Variants in RALYL observed in about 807,000 individuals in gnomAD.
RALYL encodes RALY RNA binding protein like.
Under a neutral mutation model 35.1 loss-of-function variants are expected in RALYL, and 29 were observed. The observed-to-expected ratio is 0.83, with a 90% CI of 0.61 to 1.13. The LOEUF is 1.13. Among genes scored for constraint, RALYL ranks in the 50% most tolerant of loss-of-function variants. The probability of loss-of-function intolerance (pLI) is 0.00; values close to 1 mark genes in which losing one functional copy is unlikely to be tolerated. For synonymous variants in RALYL, 120 were observed against 127.6 expected, an observed-to-expected ratio of 0.94 and a Z score of 0.40; for missense variants, 359 against 360.4, an observed-to-expected ratio of 1.00 and a Z score of 0.03.
chr8:84,604,325 G>T, intron 2 of RALYL, among the ~76,000 whole-genome samples: 1 of 152,080 alleles, frequency 6.6e-6, no homozygotes, highest in South Asian at 2.1e-4. Context: ...GATTTTGGCT[G>T]CCTTTTGTTT....
At chr8:84,371,561 A>ACC (rs1855709487) in intron 1 of RALYL, among the ~76,000 whole-genome samples, 1 of 151,520 alleles carries the variant, frequency 6.6e-6, no homozygotes, top group Non-Finnish European at 1.5e-5. Flanking sequence ...ACACACACAC[A>ACC]CACACACACA....
At chr8:84,796,804 C>T (rs1335679226) in intron 3 of RALYL, among the ~76,000 whole-genome samples, 1 of 152,134 alleles carries the variant, frequency 6.6e-6, no homozygotes, top group African/African-American at 2.4e-5. Context: ...AAACAACAAG[C>T]AATCAGTTAG....
At chr8:84,351,366 A>G (rs1451895575) in intron 1 of RALYL, among the ~76,000 whole-genome samples, 1 of 150,318 alleles carries the variant, frequency 6.7e-6, no homozygotes, top group Non-Finnish European at 1.5e-5. Flanking sequence ...GATTTATTTT[A>G]AATGTGAATT....
At chr8:84,808,414 A>T (rs1358749177) in intron 4 of RALYL, among the ~76,000 whole-genome samples, 2 of 152,008 alleles carry the variant, frequency 1.3e-5, no homozygotes, top group Non-Finnish European at 2.9e-5. Context: ...TGTCCTTGTA[A>T]TATAGTGTGA....
intron 1 of RALYL, among the ~76,000 whole-genome samples, chr8:84,307,281 G>A (rs1028187643): frequency 6.6e-6 from 1 of 152,168 alleles, no homozygotes; most frequent in Non-Finnish European, 1.5e-5. Context: ...CTGGTTCATA[G>A]CATAATCAAT....
chr8:84,676,152 A>G (rs1274980309), intron 2 of RALYL, among the ~76,000 whole-genome samples: 1 of 152,208 alleles, frequency 6.6e-6, no homozygotes, highest in Admixed American at 6.5e-5. Flanking sequence ...TATTTTATAA[A>G]TGTCCTTACA....
intron 4 of RALYL, among the ~76,000 whole-genome samples, chr8:84,817,547 T>C (rs1470546178): frequency 6.7e-6 from 1 of 149,760 alleles, no homozygotes; most frequent in Non-Finnish European, 1.5e-5. Flanking sequence ...ATTATTATTA[T>C]TATTATTATT....
intron 1 of RALYL, among the ~76,000 whole-genome samples, chr8:84,456,695 T>C (rs1430759798): frequency 1.3e-5 from 2 of 152,076 alleles, no homozygotes; most frequent in Non-Finnish European, 2.9e-5. Flanking sequence ...ACATTCTGAA[T>C]ACAAGTGACT....
chr8:84,498,619 G>C (rs1246279821), intron 1 of RALYL, among the ~76,000 whole-genome samples: 1 of 152,034 alleles, frequency 6.6e-6, no homozygotes, highest in Non-Finnish European at 1.5e-5. Flanking sequence ...TTGAATTGCT[G>C]TATATTTAGT....
intron 1 of RALYL, among the ~76,000 whole-genome samples, chr8:84,195,843 A>G (rs527617090): frequency 6.6e-6 from 1 of 152,308 alleles, no homozygotes; most frequent in Non-Finnish European, 1.5e-5. Flanking sequence ...ATGAAAGTAA[A>G]TGGTGAAATT....
chr8:84,215,067 G>A (rs934526068), intron 1 of RALYL, among the ~76,000 whole-genome samples: 2 of 151,820 alleles, frequency 1.3e-5, no homozygotes, highest in Non-Finnish European at 2.9e-5. Context: ...CACTGTGCCC[G>A]GCTAATTTTT....
chr8:84,399,516 C>A (rs1249267293), intron 1 of RALYL, among the ~76,000 whole-genome samples: 1 of 152,200 alleles, frequency 6.6e-6, no homozygotes, highest in Non-Finnish European at 1.5e-5. Flanking sequence ...ATTTAAACTA[C>A]AAATCCAGCA....
chr8:84,486,924 G>C (rs1479097), intron 1 of RALYL, among the ~76,000 whole-genome samples: 1 of 151,970 alleles, frequency 6.6e-6, no homozygotes, highest in Non-Finnish European at 1.5e-5. Context: ...CTCTAGAATC[G>C]ATTCATCTTG....
At chr8:84,920,274 T>C (rs1238326675) in intron 8 of RALYL, among the ~76,000 whole-genome samples, 1 of 152,092 alleles carries the variant, frequency 6.6e-6, no homozygotes, top group Non-Finnish European at 1.5e-5. Context: ...TTTTCCCCAC[T>C]GATTGAGTCT....
At chr8:84,481,241 T>A (rs1007526347) in intron 1 of RALYL, among the ~76,000 whole-genome samples, 34 of 152,252 alleles carry the variant, frequency 2.2e-4, no homozygotes, top group African/African-American at 7.7e-4. Flanking sequence ...GAAATACAAT[T>A]TTTTTTGTAT....
At chr8:84,314,482 A>G (rs1843386596) in intron 1 of RALYL, among the ~76,000 whole-genome samples, 1 of 151,978 alleles carries the variant, frequency 6.6e-6, no homozygotes, top group Non-Finnish European at 1.5e-5. Context: ...TATGTGTATT[A>G]TATATATAAA....
intron 2 of RALYL, among the ~76,000 whole-genome samples, chr8:84,750,087 A>G (rs1240008679): frequency 6.6e-6 from 1 of 152,184 alleles, no homozygotes; most frequent in Non-Finnish European, 1.5e-5. Context: ...CTCTGTGATT[A>G]TTCTTAAGAA....
At chr8:84,745,775 A>G (rs1224218435) in intron 2 of RALYL, among the ~76,000 whole-genome samples, 6 of 151,938 alleles carry the variant, frequency 3.9e-5, no homozygotes, top group South Asian at 2.1e-4. Context: ...AGATCTCACT[A>G]TCTATCCAGT....
intron 4 of RALYL, among the ~76,000 whole-genome samples, chr8:84,809,210 A>T (rs902087110): frequency 1.3e-4 from 20 of 152,296 alleles, no homozygotes; most frequent in African/African-American, 4.8e-4. Flanking sequence ...GGATTTTGTC[A>T]GATGCTTTTT....
Sources: allele counts gnomAD v4.1 joint callset (sites outside exome capture counted in the v4.1 genomes callset), GRCh38; gene constraint gnomAD v4.1.1; transcripts MANE v1.5; gene names NCBI Gene and HGNC (gene_info 2026-07-23, HGNC 2026-07-21).